Variants in RASSF4 observed in about 807,000 individuals in gnomAD.
RASSF4 encodes Ras association domain family member 4, also known as ras association domain-containing protein 4.
In RASSF4, 38 loss-of-function variants were observed where a neutral mutation model predicts 41.1. That is an observed-to-expected ratio of 0.92 (90% CI 0.71 to 1.21). The LOEUF (loss-of-function observed/expected upper bound fraction) is 1.21. Among genes scored for constraint, RASSF4 ranks in the 50% most tolerant of loss-of-function variants. The pLI is 0.00. For synonymous variants in RASSF4, 179 were observed against 163.4 expected, an observed-to-expected ratio of 1.10 and a Z score of -0.73; for missense variants, 414 against 419.4, an observed-to-expected ratio of 0.99 and a Z score of 0.11.
chr10:44,969,424 C>T (rs1239818055), intron 1 of RASSF4, among the ~76,000 whole-genome samples: 1 of 152,106 alleles, frequency 6.6e-6, no homozygotes, highest in Non-Finnish European at 1.5e-5. Flanking sequence ...TTGAGATTAC[C>T]TTGTTGCACA....
chr10:44,960,404 G>A (rs551169907), intron 1 of RASSF4, among the ~76,000 whole-genome samples: 1 of 152,338 alleles, frequency 6.6e-6, no homozygotes, highest in African/African-American at 2.4e-5. Flanking sequence ...GAGGCTTAAA[G>A]AGTTATAAAA....
intron 2 of RASSF4, 168 bp from the exon 3 acceptor site, chr10:44,971,603 TCC>T: frequency 1.4e-6 from 1 of 707,956 alleles, no homozygotes; most frequent in Non-Finnish European, 2.6e-6. Context: ...TGCAGAACCA[TCC>T]GGGTGCATTG....
intron 1 of RASSF4, among the ~76,000 whole-genome samples, chr10:44,965,401 A>G (rs1431032289): frequency 6.6e-6 from 1 of 152,272 alleles, no homozygotes; most frequent in Non-Finnish European, 1.5e-5. Flanking sequence ...GATTCTCTAC[A>G]GATGCAAATT....
intron 3 of RASSF4, among the ~76,000 whole-genome samples, chr10:44,978,985 T>C (rs1458917982): frequency 7.9e-5 from 12 of 152,046 alleles, no homozygotes; most frequent in Admixed American, 7.9e-4. Context: ...CTGGGGAATG[T>C]TTACGCTGCA....
chr10:44,988,900 G>A (rs1344877251), intron 6 of RASSF4, among the ~76,000 whole-genome samples: 1 of 152,200 alleles, frequency 6.6e-6, no homozygotes, highest in Non-Finnish European at 1.5e-5. Flanking sequence ...ATGAAGAGGA[G>A]GAGACAGATT....
At chr10:44,966,532 G>A (rs1396301180) in intron 1 of RASSF4, among the ~76,000 whole-genome samples, 1 of 152,188 alleles carries the variant, frequency 6.6e-6, no homozygotes, top group African/African-American at 2.4e-5. Context: ...AGTGTGCAAG[G>A]GGGTTGGGAG....
At chr10:44,975,363 T>C (rs1283002452) in intron 3 of RASSF4, among the ~76,000 whole-genome samples, 4 of 151,804 alleles carry the variant, frequency 2.6e-5, no homozygotes, top group African/African-American at 7.3e-5. Context: ...CGCAAAGCGC[T>C]TCCCAGCCTG....
rs1187746135 is a variant in RASSF4, at chr10:44,993,488, C to T, written c.*159C>T. 5 of 632,228 alleles carry T rather than the reference C, an allele frequency of 7.9e-6. No homozygotes were observed. The highest frequency in any genetic ancestry group is 1.8e-5 in the African/African-American group (1 of 54,806). 39.2% of individuals were successfully genotyped at this position (632,228 alleles called of 1,614,324 possible). ...TGAAGCCTGAGCACCATGATTCCCA[C>T]AGCCAGCTCTTGGCTCCAAGATGAG... is the stretch of plus-strand genomic sequence containing the variant. On this transcript the variant is annotated 3_prime_UTR_variant, in exon 11 of 11. Transcript: ENST00000340258.
chr10:44,982,756 T>A (rs1841770040), intron 4 of RASSF4, 93 bp downstream of exon 4: 1 of 1,371,014 alleles, frequency 7.3e-7, no homozygotes, highest in Non-Finnish European at 1.0e-6. Context: ...TGTTCCCTTA[T>A]GGGACACTGG....
At chr10:44,972,799 C>G (rs1460311650) in intron 3 of RASSF4, among the ~76,000 whole-genome samples, 1 of 152,226 alleles carries the variant, frequency 6.6e-6, no homozygotes, top group Non-Finnish European at 1.5e-5. Context: ...GGCTCCCGGA[C>G]TTTCTCTCCT....
chr10:44,971,332 C>A, intron 2 of RASSF4: 1 of 365,846 alleles, frequency 2.7e-6, no homozygotes, highest in Non-Finnish European at 5.4e-6. Context: ...AAGCAGGCAC[C>A]CCTCAGGGTG....
intron 10 of RASSF4, 98 bp from the exon 11 acceptor site, chr10:44,993,171 G>A: frequency 1.0e-6 from 1 of 980,176 alleles, no homozygotes; most frequent in Non-Finnish European, 1.6e-6. Flanking sequence ...CTGCTGCAGG[G>A]ATCTCCTGAG....
At chr10:44,978,059 T>C (rs907473446) in intron 3 of RASSF4, 1 of 1,589,264 alleles carries the variant, frequency 6.3e-7, no homozygotes, top group South Asian at 1.1e-5. Flanking sequence ...TGGCAACCTG[T>C]TGGGAAACAG....
At chr10:44,965,485 G>T (rs1382907346) in intron 1 of RASSF4, among the ~76,000 whole-genome samples, 3 of 152,240 alleles carry the variant, frequency 2.0e-5, no homozygotes. Context: ...ATACGTCAAA[G>T]AAATATATGT....
intron 6 of RASSF4, among the ~76,000 whole-genome samples, chr10:44,987,905 C>A (rs536656778): frequency 6.6e-6 from 1 of 152,176 alleles, no homozygotes; most frequent in Non-Finnish European, 1.5e-5. Context: ...TTGAGATATT[C>A]GCTTCATTGT....
chr10:44,968,952 G>C, intron 1 of RASSF4, among the ~76,000 whole-genome samples: 1 of 152,130 alleles, frequency 6.6e-6, no homozygotes, highest in East Asian at 1.9e-4. Flanking sequence ...CAGCACTGGA[G>C]TATGTGTGTG....
chr10:44,965,061 C>T (rs1281495856), intron 1 of RASSF4, among the ~76,000 whole-genome samples: 1 of 152,170 alleles, frequency 6.6e-6, no homozygotes, highest in African/African-American at 2.4e-5. Context: ...CTTAAAGTTT[C>T]ACTAAAAATC....
chr10:44,971,489 A>G (rs1841158271), intron 2 of RASSF4: 1 of 608,794 alleles, frequency 1.6e-6, no homozygotes, highest in East Asian at 3.5e-5. Flanking sequence ...TACCTGTGAT[A>G]GTGAAAGTGT....
intron 10 of RASSF4, 89 bp downstream of exon 10, chr10:44,992,091 C>T (rs1842135897): frequency 1.2e-6 from 1 of 803,586 alleles, no homozygotes; most frequent in Admixed American, 2.2e-5. Context: ...GGAGGTCTCT[C>T]TCCTCCATGG....
Sources: gnomAD v4.1 joint callset for allele counts (sites outside exome capture counted in the v4.1 genomes callset) on GRCh38, gnomAD v4.1.1 for gene constraint, MANE v1.5 for transcripts, NCBI Gene and HGNC (gene_info 2026-07-23, HGNC 2026-07-21) for gene names.